Variants in EPHA6 observed in about 807,000 individuals in gnomAD.
EPHA6 encodes the protein EPH receptor A6, also known as ephrin type-A receptor 6.
A neutral mutation model predicts 112.0 loss-of-function variants in EPHA6; 50 were observed. The ratio of observed to expected loss-of-function variants is 0.45; its 90% CI spans 0.36 to 0.56. EPHA6 has a LOEUF of 0.56. Among genes scored for constraint, EPHA6 ranks in the 20% least tolerant of loss-of-function variants. The pLI, the probability that EPHA6 is intolerant of heterozygous loss-of-function variation, is 0.00. For synonymous variants in EPHA6, 529 were observed against 490.7 expected (o/e 1.08, Z -1.03); for missense variants, 1,280 against 1,417.4 (o/e 0.90, Z 1.56).
intron 1 of EPHA6, among the ~76,000 whole-genome samples, chr3:96,845,463 G>A (rs1447883353): frequency 4.6e-5 from 7 of 151,992 alleles, no homozygotes; most frequent in South Asian, 4.2e-4. Context: ...ATGATGCCTC[G>A]CTGCTGATGT....
rs760016195 is a variant in EPHA6 at position 97,532,443 on chromosome 3, C to T, written c.2286C>T (p.Gly762=). Residue 762 remains glycine (G), a synonymous_variant, in exon 11 of 18, where the codon GGC becomes GGT. Coordinates refer to ENST00000389672, the MANE Select transcript of EPHA6 (RefSeq NM_001080448.3). ...IPVAIKTLKG[G]HMDRQRRDFL... Reference sequence around the variant, plus strand: ...TTGCCATTAAAACTTTGAAAGGTGGCCACATGGATCGGCAAAGAAGAGATT... The same window carrying T: ...TTGCCATTAAAACTTTGAAAGGTGGTCACATGGATCGGCAAAGAAGAGATT... 1.9e-6 allele frequency: 3 copies of T among 1,612,526 alleles called. No individual in the cohort carries two copies. The highest frequency in any genetic ancestry group is 1.3e-5 in the African/African-American group (1 of 74,944).
chr3:96,866,126 A>C (rs2036296234), intron 1 of EPHA6, among the ~76,000 whole-genome samples: 1 of 152,116 alleles, frequency 6.6e-6, no homozygotes, highest in Non-Finnish European at 1.5e-5. Flanking sequence ...CAGAACTGCC[A>C]ACCCAACTTT....
chr3:96,935,686 T>C (rs1193759517), intron 2 of EPHA6, among the ~76,000 whole-genome samples: 1 of 148,124 alleles, frequency 6.8e-6, no homozygotes, highest in Non-Finnish European at 1.5e-5. Context: ...ACATTATATA[T>C]ACACACATTA....
chr3:97,186,595 A>G (rs1313520715), intron 3 of EPHA6, among the ~76,000 whole-genome samples: 1 of 152,134 alleles, frequency 6.6e-6, no homozygotes, highest in African/African-American at 2.4e-5. Flanking sequence ...TTTTTAATAA[A>G]GTCTGTGGTA....
In EPHA6 at chr3:97,239,587, A is replaced by C. The variant is rs879304626; in HGVS notation, c.1271-4365A>C. ...AATAAAATGTTACTAAGAAAATCGTAAAGGAAGATAAAATGTATTCACTAT... is the reference window on the plus strand; with the variant it reads ...AATAAAATGTTACTAAGAAAATCGTCAAGGAAGATAAAATGTATTCACTAT... On this transcript the variant is annotated intron_variant, in intron 4 of 17. Transcript: ENST00000389672. Among the ~76,000 whole-genome samples, 16 of 151,976 alleles carry C rather than the reference A, an allele frequency of 1.1e-4. 1 individual carries two copies. Among genetic ancestry groups the C allele is most frequent in the Admixed American group, 1.1e-3 (16 of 15,224 alleles).
At chr3:97,137,745 C>G (rs2075800366) in intron 3 of EPHA6, among the ~76,000 whole-genome samples, 2 of 152,018 alleles carry the variant, frequency 1.3e-5, no homozygotes, top group African/African-American at 4.8e-5. Flanking sequence ...ACTTGCAGTC[C>G]TTTATCTGTG....
intron 7 of EPHA6, among the ~76,000 whole-genome samples, chr3:97,472,255 A>C (rs1255213035): frequency 6.6e-6 from 1 of 151,704 alleles, no homozygotes; most frequent in African/African-American, 2.4e-5. Flanking sequence ...ACAGATTATA[A>C]AAAGTAATTT....
intron 3 of EPHA6, among the ~76,000 whole-genome samples, chr3:96,993,399 C>T (rs1053121974): frequency 1.3e-5 from 2 of 151,664 alleles, no homozygotes; most frequent in South Asian, 2.1e-4. Context: ...TGGGTTCAAG[C>T]GATTCTCAAG....
chr3:97,516,510 T>A, intron 10 of EPHA6, among the ~76,000 whole-genome samples: 1 of 152,188 alleles, frequency 6.6e-6, no homozygotes. Flanking sequence ...ATCATGAGAA[T>A]ACTGGCATTT....
intron 6 of EPHA6, chr3:97,447,748 C>A (rs763443772): frequency 3.9e-6 from 4 of 1,013,046 alleles, no homozygotes; most frequent in Non-Finnish European, 4.7e-6. Flanking sequence ...AAGTTCACTT[C>A]CATTTAGTGA....
chr3:97,134,683 G>C (rs1164074637), intron 3 of EPHA6, among the ~76,000 whole-genome samples: 1 of 151,978 alleles, frequency 6.6e-6, no homozygotes, highest in African/African-American at 2.4e-5. Context: ...GAAAAAACTA[G>C]TGCATTGTAA....
intron 3 of EPHA6, among the ~76,000 whole-genome samples, chr3:97,209,735 A>C (rs2077815508): frequency 6.6e-6 from 1 of 152,210 alleles, no homozygotes; most frequent in Non-Finnish European, 1.5e-5. Context: ...CAGATTGAAA[A>C]ATAGATTGTA....
Position 97,516,349 on chromosome 3 carries a change from C to G in EPHA6, c.2201-16009C>G, listed in dbSNP as rs529776857. 1.9e-4 allele frequency among the ~76,000 whole-genome samples: 29 copies of G among 152,264 alleles called. 1 individual carries two copies. The South Asian group carries it at 5.6e-3, about 29-fold the overall frequency. On this transcript the variant is annotated intron_variant, in intron 10 of 17. Transcript: ENST00000389672. ...ACAAGCCTTGTTAAGCATGAGAAATCTTGCATAATATTGAACCTCTCTGTG... is the reference window on the plus strand; with the variant it reads ...ACAAGCCTTGTTAAGCATGAGAAATGTTGCATAATATTGAACCTCTCTGTG...
rs10631180 is a variant in EPHA6 at position 97,255,144 on chromosome 3, A to ATGTGTGTGTG, written c.1606+10885_1606+10894dup. ...GAATTTTTCCAGAGGTACATCTTGGATGTGTGTGTGTGTGTGTGTGTGTGT... is the reference window on the plus strand; with the variant it reads ...GAATTTTTCCAGAGGTACATCTTGGATGTGTGTGTGTGTGTGTGTGTGTGTGTGTGTGTGT... On this transcript the variant is annotated intron_variant, in intron 5 of 17. Coordinates refer to ENST00000389672, the MANE Select transcript of EPHA6 (RefSeq NM_001080448.3). Among the ~76,000 whole-genome samples the ATGTGTGTGTG allele has an allele frequency of 1.5e-3, 211 of 144,366 alleles. 1 individual carries two copies. The highest frequency in any genetic ancestry group is 4.8e-3 in the African/African-American group (190 of 39,742). 94.7% of individuals were successfully genotyped at this position (144,366 alleles called of 152,430 possible).
chr3:97,147,441 C>A (rs1026761600), intron 3 of EPHA6, among the ~76,000 whole-genome samples: 7 of 150,400 alleles, frequency 4.7e-5, no homozygotes, highest in Non-Finnish European at 1.0e-4. Flanking sequence ...TTTTTTTTTT[C>A]TGCAAAGCAC....
At chr3:96,962,738 C>T (rs915284184) in intron 2 of EPHA6, among the ~76,000 whole-genome samples, 1 of 151,604 alleles carries the variant, frequency 6.6e-6, no homozygotes, top group Non-Finnish European at 1.5e-5. Context: ...GCTAATTTAC[C>T]ATACTTGTTT....
intron 14 of EPHA6, among the ~76,000 whole-genome samples, chr3:97,643,899 G>C (rs1214247033): frequency 1.3e-5 from 2 of 150,596 alleles, no homozygotes; most frequent in South Asian, 2.1e-4. Flanking sequence ...AGTCAACAAG[G>C]ATACCCAGGA....
intron 11 of EPHA6, among the ~76,000 whole-genome samples, chr3:97,547,134 AGGTGCTC>A (rs2092962444): frequency 1.3e-5 from 2 of 152,040 alleles, no homozygotes; most frequent in Admixed American, 6.5e-5. Context: ...GGAAGAGGAG[AGGTGCTC>A]TGCTTTTTAG....
At chr3:97,089,312 T>TA (rs2046994615) in intron 3 of EPHA6, among the ~76,000 whole-genome samples, 1 of 152,178 alleles carries the variant, frequency 6.6e-6, no homozygotes, top group South Asian at 2.1e-4. Flanking sequence ...AGATGCTGAA[T>TA]ATTACATGAC....
Sources: gnomAD v4.1 joint callset for allele counts (sites outside exome capture counted in the v4.1 genomes callset) on GRCh38, gnomAD v4.1.1 for gene constraint, MANE v1.5 for transcripts, NCBI Gene and HGNC (gene_info 2026-07-23, HGNC 2026-07-21) for gene names.